The following CTNNA3 variants were observed in gnomAD, a reference collection of about 807,000 sequenced individuals.
CTNNA3 encodes catenin alpha-3.
A neutral mutation model predicts 95.7 loss-of-function variants in CTNNA3; 76 were observed. That is an observed-to-expected ratio of 0.79 (90% confidence interval 0.66 to 0.96). The LOEUF is 0.96. CTNNA3 is among the 40% of genes least tolerant of loss of function. The pLI, the probability that CTNNA3 is intolerant of heterozygous loss-of-function variation, is 0.00. For synonymous variants in CTNNA3, 431 were observed against 374.4 expected (o/e 1.15, Z -1.74); for missense variants, 1,191 against 1,089.8 (o/e 1.09, Z -1.31).
At chr10:67,129,756 T>C (rs1859899941) in intron 7 of CTNNA3, among the ~76,000 whole-genome samples, 1 of 152,118 alleles carries the variant, frequency 6.6e-6, no homozygotes, top group Admixed American at 6.6e-5. Context: ...TTTTAAGAAG[T>C]AGAAAACCTT....
At chr10:67,363,855 C>G (rs539472384) in intron 5 of CTNNA3, among the ~76,000 whole-genome samples, 1 of 152,138 alleles carries the variant, frequency 6.6e-6, no homozygotes, top group African/African-American at 2.4e-5. Context: ...CAAGAACAGT[C>G]CAGGACCAGA....
chr10:67,597,019 C>T (rs1425991524), intron 3 of CTNNA3, among the ~76,000 whole-genome samples: 1 of 152,180 alleles, frequency 6.6e-6, no homozygotes. Flanking sequence ...ATCCTTCAAG[C>T]TCTGAGATTC....
At chr10:66,222,616 G>GAA (rs1564782947) in intron 13 of CTNNA3, among the ~76,000 whole-genome samples, 20 of 62,920 alleles carry the variant, frequency 3.2e-4, no homozygotes, top group African/African-American at 7.7e-4. Flanking sequence ...AAGAAAGAAA[G>GAA]AAAGAAAAAG....
At chr10:66,458,065 C>A (rs1911324) in intron 11 of CTNNA3, among the ~76,000 whole-genome samples, 95 of 152,128 alleles carry the variant, frequency 6.2e-4, no homozygotes, top group Non-Finnish European at 1.1e-3. Flanking sequence ...TCTCTAGAGA[C>A]ATGCAGGGAA....
At chr10:66,173,699 G>T (rs923122354) in intron 13 of CTNNA3, among the ~76,000 whole-genome samples, 1 of 152,006 alleles carries the variant, frequency 6.6e-6, no homozygotes. Flanking sequence ...AATCAAAAAA[G>T]ACTGTTGCAG....
At chr10:67,559,896 G>T in intron 3 of CTNNA3, among the ~76,000 whole-genome samples, 1 of 152,146 alleles carries the variant, frequency 6.6e-6, no homozygotes, top group Non-Finnish European at 1.5e-5. Flanking sequence ...AGTGATAGAA[G>T]ATGAAATGAA....
rs1378337566 is a variant in CTNNA3, at chr10:67,727,110, C to CATATATAATTATATATA, written c.-2+36323_-2+36324insTATATATAATTATATAT. Among the ~76,000 whole-genome samples the CATATATAATTATATATA allele has an allele frequency of 2.8e-5, 3 of 108,844 alleles. 1 individual carries two copies. The highest frequency in any genetic ancestry group is 5.2e-5 in the Non-Finnish European group (3 of 57,978). 71.4% of individuals were successfully genotyped at this position (108,844 alleles called of 152,430 possible). A position where few individuals can be genotyped will look rare whatever the true frequency, so the allele number is the denominator to read the frequency against. Reference sequence around the variant, plus strand: ...ATATAATTATATATAATATATGATACATATATGATATAATTATATAATATA... The same window carrying CATATATAATTATATATA: ...ATATAATTATATATAATATATGATACATATATAATTATATATAATATATGATATAATTATATAATATA... On this transcript the variant is annotated intron_variant, in intron 1 of 17. Transcript: ENST00000684154.
At chr10:67,489,555 G>C (rs993491984) in intron 5 of CTNNA3, among the ~76,000 whole-genome samples, 17 of 152,040 alleles carry the variant, frequency 1.1e-4, no homozygotes, top group African/African-American at 3.1e-4. Flanking sequence ...CACCTTCTCA[G>C]GGGCTTAGAT....
chr10:66,359,081 T>C (rs1306731204), intron 12 of CTNNA3, among the ~76,000 whole-genome samples: 1 of 152,190 alleles, frequency 6.6e-6, no homozygotes, highest in Non-Finnish European at 1.5e-5. Flanking sequence ...AGCAAGTAAA[T>C]ATCAAATCAG....
rs141451688 is a variant in CTNNA3 at position 67,144,947 on chromosome 10, G to C, written c.1047+35370C>G. On this transcript the variant is annotated intron_variant, in intron 7 of 17. Transcript: ENST00000433211. ...CTAAGCTTAAGCATTTCTAGCTTTT[G>C]ATTTAAAGAGACGTGCGGCTCTTCC... is the stretch of plus-strand genomic sequence containing the variant. Among the ~76,000 whole-genome samples the C allele has an allele frequency of 5.1e-3, 774 of 152,238 alleles. 6 individuals carry two copies. Among genetic ancestry groups the C allele is most frequent in the African/African-American group, 0.017 (725 of 41,526 alleles).
chr10:66,337,641 G>A (rs1707282786), intron 12 of CTNNA3, among the ~76,000 whole-genome samples: 1 of 152,058 alleles, frequency 6.6e-6, no homozygotes, highest in African/African-American at 2.4e-5. Context: ...ATGAGCACAT[G>A]AAAAGCTGAT....
At chr10:67,354,572 C>T (rs1053573021) in intron 5 of CTNNA3, among the ~76,000 whole-genome samples, 9 of 151,778 alleles carry the variant, frequency 5.9e-5, no homozygotes, top group Non-Finnish European at 1.3e-4. Context: ...AGCCAAAAGG[C>T]CCCTTCAGCA....
chr10:67,066,916 G>A (rs539424446), intron 7 of CTNNA3, among the ~76,000 whole-genome samples: 139 of 152,280 alleles, frequency 9.1e-4, no homozygotes, highest in Middle Eastern at 6.8e-3. Flanking sequence ...GTTTGGACAT[G>A]AGCAATATTT....
chr10:66,676,484 A>G (rs113582806), intron 9 of CTNNA3, among the ~76,000 whole-genome samples: 1,770 of 152,136 alleles, frequency 0.012, 21 homozygotes, highest in Middle Eastern at 0.044. Flanking sequence ...GCATGACAGG[A>G]AAGCCAAAGG....
chr10:66,543,829 T>C (rs1005889643), intron 10 of CTNNA3, among the ~76,000 whole-genome samples: 1 of 150,134 alleles, frequency 6.7e-6, no homozygotes, highest in Non-Finnish European at 1.5e-5. Flanking sequence ...CCACTGTATA[T>C]GGTGAAATAG....
intron 15 of CTNNA3, among the ~76,000 whole-genome samples, chr10:65,998,440 A>C (rs776835065): frequency 6.6e-6 from 1 of 152,108 alleles, no homozygotes; most frequent in Non-Finnish European, 1.5e-5. Flanking sequence ...ATTTACAACC[A>C]CTTCTGTCCA....
chr10:66,122,075 CT>C (rs1156532646), intron 13 of CTNNA3, among the ~76,000 whole-genome samples: 3 of 152,034 alleles, frequency 2.0e-5, no homozygotes, highest in Admixed American at 1.3e-4. Flanking sequence ...TAAAATACTA[CT>C]CTTAATAAAG....
chr10:66,874,577 G>GA (rs1328882083), intron 7 of CTNNA3, among the ~76,000 whole-genome samples: 1 of 152,078 alleles, frequency 6.6e-6, no homozygotes, highest in African/African-American at 2.4e-5. Flanking sequence ...ATATACGTAA[G>GA]AAAAAACTAT....
chr10:66,356,263 T>C (rs1297036139), intron 12 of CTNNA3, among the ~76,000 whole-genome samples: 1 of 151,946 alleles, frequency 6.6e-6, no homozygotes, highest in Non-Finnish European at 1.5e-5. Context: ...GTAACAAGTT[T>C]ATAGATCAGC....
Sources: allele counts gnomAD v4.1 joint callset (sites outside exome capture counted in the v4.1 genomes callset), GRCh38; gene constraint gnomAD v4.1.1; transcripts MANE v1.5; gene names NCBI Gene and HGNC (gene_info 2026-07-23, HGNC 2026-07-21).